Variants in DNAH9 observed in about 807,000 individuals in gnomAD.
DNAH9 encodes the protein DNAH9 variant protein.
Under a neutral mutation model 471.6 loss-of-function variants are expected in DNAH9, and 345 were observed. That is an observed-to-expected ratio of 0.73 (90% CI 0.67 to 0.80). The LOEUF (loss-of-function observed/expected upper bound fraction) is 0.80. Ranked by LOEUF, DNAH9 falls within the 30% of genes least tolerant of loss-of-function variation. DNAH9 has a pLI of 0.00. For missense variants in DNAH9, 5,407 were observed against 5,609.2 expected (o/e 0.96, Z 1.15); for synonymous variants, 2,093 against 2,123.6 (o/e 0.99, Z 0.40).
In DNAH9 at chr17:11,747,576, C is replaced by T. The variant is rs1457730573; in HGVS notation, c.6420C>T (p.Leu2140=). 1 of 1,613,586 alleles carries T rather than the reference C, an allele frequency of 6.2e-7. No homozygotes were observed. The highest frequency in any genetic ancestry group is 1.3e-5 in the African/African-American group (1 of 74,912). Residue 2140 remains leucine, a synonymous_variant, in exon 32 of 69, where the codon CTC becomes CTT. Coordinates refer to ENST00000262442, the MANE Select transcript of DNAH9 (RefSeq NM_001372.4). ...FVLKVVQLEE[L]LAVRHSVFVV... is the part of the protein sequence containing the mutation. ...CTCAGGTGGTCCAGCTGGAGGAGCT[C>T]CTGGCTGTGCGGCACTCTGTATTTG...
intron 48 of DNAH9, among the ~76,000 whole-genome samples, chr17:11,832,339 C>CA (rs149355606): frequency 2.0e-5 from 3 of 149,754 alleles, no homozygotes; most frequent in Non-Finnish European, 3.0e-5. Flanking sequence ...AAACAACAAC[C>CA]AAAAAAAAAG....
intron 24 of DNAH9, among the ~76,000 whole-genome samples, chr17:11,702,853 G>T (rs955474836): frequency 2.0e-5 from 3 of 152,154 alleles, no homozygotes; most frequent in African/African-American, 7.2e-5. Flanking sequence ...AGCACTTTGG[G>T]AGGCTGAGGT....
intron 36 of DNAH9, among the ~76,000 whole-genome samples, chr17:11,767,558 C>T (rs1968005362): frequency 2.0e-5 from 3 of 152,112 alleles, no homozygotes; most frequent in Non-Finnish European, 1.5e-5. Flanking sequence ...CTGTCATTGT[C>T]CTGCCCTCCA....
chr17:11,771,864 CTT>C lies in DNAH9; in HGVS notation c.7552+2538_7552+2539del, dbSNP rs1253640261. 2.0e-5 allele frequency among the ~76,000 whole-genome samples: 3 copies of C among 152,300 alleles called. No homozygotes were observed. In the East Asian group the frequency reaches 5.8e-4, roughly 29 times the overall value. On this transcript the variant is annotated intron_variant, in intron 38 of 68. Transcript: ENST00000262442. ...ATCAGGAGTGTGAATCTGACTTAGA[CTT>C]TTACACTTTTCTCTTTTTTTACTTC...
intron 61 of DNAH9, among the ~76,000 whole-genome samples, chr17:11,913,312 ATT>A (rs1204179129): frequency 6.6e-6 from 1 of 152,114 alleles, no homozygotes; most frequent in Non-Finnish European, 1.5e-5. Flanking sequence ...CTAGTTATAT[ATT>A]TACTCAAAGT....
intron 45 of DNAH9, among the ~76,000 whole-genome samples, chr17:11,817,646 A>G (rs1205670266): frequency 6.6e-6 from 1 of 152,194 alleles, no homozygotes; most frequent in Admixed American, 6.5e-5. Flanking sequence ...ATTCCATTAA[A>G]TATTATTATT....
At chr17:11,748,173 A>T (rs1482368975) in intron 32 of DNAH9, among the ~76,000 whole-genome samples, 1 of 146,020 alleles carries the variant, frequency 6.8e-6, no homozygotes, top group African/African-American at 2.6e-5. Context: ...AAAAAAAAAA[A>T]AAAATCAGCT....
chr17:11,933,775 G>A lies in DNAH9; in HGVS notation c.12298-105G>A, dbSNP rs372321607. ...AAGACATTGCTCTCAATCTCAAGAA[G>A]CGTCCCTCTCTTGTGGCTTTCTGTG... On this transcript the variant is annotated intron_variant, in intron 64 of 68. Transcript: ENST00000262442. The A allele has an allele frequency of 1.8e-4, 183 of 993,768 alleles. 1 individual carries two copies. In the African/African-American group the frequency reaches 2.6e-3, roughly 14 times the overall value. The allele number at this position is 993,768 out of a possible 1,614,324, so 61.6% of individuals were successfully genotyped here. A position where few individuals can be genotyped will look rare whatever the true frequency, so the allele number is the denominator to read the frequency against.
intron 26 of DNAH9, among the ~76,000 whole-genome samples, chr17:11,717,285 C>T (rs1258661188): frequency 6.6e-6 from 1 of 152,090 alleles, no homozygotes; most frequent in Non-Finnish European, 1.5e-5. Context: ...ATAATCTCAG[C>T]ACTTTGGGAG....
chr17:11,608,785 A>G (rs1048671826), intron 2 of DNAH9, among the ~76,000 whole-genome samples: 2 of 152,032 alleles, frequency 1.3e-5, no homozygotes, highest in African/African-American at 2.4e-5. Context: ...AAGACTTTTT[A>G]CAGGTCCTGG....
intron 12 of DNAH9, among the ~76,000 whole-genome samples, chr17:11,649,480 T>C (rs752042114): frequency 1.1e-4 from 17 of 152,186 alleles, no homozygotes; most frequent in Non-Finnish European, 2.5e-4. Flanking sequence ...TAAAGCATGG[T>C]ATAAATAATG....
intron 45 of DNAH9, among the ~76,000 whole-genome samples, chr17:11,821,671 C>CT (rs1412175124): frequency 6.6e-6 from 1 of 152,122 alleles, no homozygotes; most frequent in African/African-American, 2.4e-5. Context: ...CTGTTGAAGG[C>CT]TCTTGTGTTA....
intron 6 of DNAH9, among the ~76,000 whole-genome samples, chr17:11,621,833 G>A (rs1180492070): frequency 1.3e-5 from 2 of 152,168 alleles, no homozygotes; most frequent in Non-Finnish European, 2.9e-5. Flanking sequence ...TGTAATCCCA[G>A]CACTTTAGGA....
rs1351700766 is a variant in DNAH9, at chr17:11,969,335, G to C, written c.13269G>C (p.Leu4423=). The part of the protein sequence containing the change: ...GIITEAKLKD[L]TPPMPVMFIK... ...TTACAGAGGCAAAGCTGAAGGATCT[G>C]ACACCCCCTATGCCTGTGATGTTCA... The change falls in exon 69 of 69, where the codon CTG becomes CTC. Residue 4423 remains leucine, a synonymous_variant. Coordinates refer to ENST00000262442, the MANE Select transcript of DNAH9 (RefSeq NM_001372.4). 9.3e-6 allele frequency: 15 copies of C among 1,613,918 alleles called. No individual in the cohort carries two copies. The highest frequency in any genetic ancestry group is 1.3e-5 in the African/African-American group (1 of 74,882).
chr17:11,956,341 A>C (rs143823724), intron 67 of DNAH9, among the ~76,000 whole-genome samples: 1 of 152,272 alleles, frequency 6.6e-6, no homozygotes, highest in African/African-American at 2.4e-5. Context: ...AAAATACATA[A>C]AGCAAAAAAA....
chr17:11,699,684 C>G, intron 22 of DNAH9, 47 bp from the exon 23 acceptor site: 4 of 1,580,344 alleles, frequency 2.5e-6, no homozygotes, highest in Non-Finnish European at 3.5e-6. Flanking sequence ...TAATAAGCAG[C>G]TTCCCGAACA....
chr17:11,911,619 A>G (rs909156516), intron 61 of DNAH9, among the ~76,000 whole-genome samples: 1 of 152,212 alleles, frequency 6.6e-6, no homozygotes, highest in Non-Finnish European at 1.5e-5. Flanking sequence ...GCAAAAAATA[A>G]TAAATGTAGC....
At chr17:11,710,934 G>T (rs373818895) in intron 26 of DNAH9, among the ~76,000 whole-genome samples, 1 of 152,140 alleles carries the variant, frequency 6.6e-6, no homozygotes, top group East Asian at 1.9e-4. Context: ...GTAATAACCA[G>T]CTCTGGGACC....
intron 19 of DNAH9, among the ~76,000 whole-genome samples, chr17:11,683,263 T>C (rs2074168898): frequency 2.0e-5 from 3 of 152,310 alleles, no homozygotes; most frequent in Non-Finnish European, 4.4e-5. Context: ...AACCTCCGCC[T>C]CCTGGATTCA....
Sources: gnomAD v4.1 joint callset for allele counts (sites outside exome capture counted in the v4.1 genomes callset) on GRCh38, gnomAD v4.1.1 for gene constraint, MANE v1.5 for transcripts, NCBI Gene and HGNC (gene_info 2026-07-23, HGNC 2026-07-21) for gene names.